Variants in LIMCH1 observed in about 807,000 individuals in gnomAD.
LIMCH1 encodes the protein LIM and calponin homology domains-containing protein 1.
A neutral mutation model predicts 176.5 loss-of-function variants in LIMCH1; 113 were observed. The observed-to-expected ratio is 0.64, with a 90% confidence interval of 0.55 to 0.75. LIMCH1 has a LOEUF of 0.75. Ranked by LOEUF, LIMCH1 falls within the 30% of genes least tolerant of loss-of-function variation. The pLI is 0.00. For missense variants in LIMCH1, 1,674 were observed against 1,814.9 expected (o/e 0.92, Z 1.41); for synonymous variants, 619 against 645.9 (o/e 0.96, Z 0.63).
Position 41,644,493 on chromosome 4 carries a change from C to T in LIMCH1, c.2127-7C>T. ...GTCCCTCTTGTGTTCGCTCTCTCCACACTCAGGAGCACCAGCATGTTTGAC... is the reference window on the plus strand; with the variant it reads ...GTCCCTCTTGTGTTCGCTCTCTCCATACTCAGGAGCACCAGCATGTTTGAC... On this transcript the variant is annotated splice_polypyrimidine_tract_variant and splice_region_variant and intron_variant, in intron 14 of 31. Coordinates refer to ENST00000503057, the MANE Select transcript of LIMCH1 (RefSeq NM_001330672.2). 2 of 1,548,302 alleles carry T rather than the reference C, an allele frequency of 1.3e-6. No individual in the cohort carries two copies. The highest frequency in any genetic ancestry group is 1.8e-4 in the Middle Eastern group (1 of 5,576).
At chr4:41,560,640 C>T (rs796222613) in intron 1 of LIMCH1, among the ~76,000 whole-genome samples, 17 of 152,304 alleles carry the variant, frequency 1.1e-4, no homozygotes, top group African/African-American at 3.4e-4. Context: ...AATCCCAGCA[C>T]TTTGGGAGGC....
At chr4:41,601,863 G>A (rs1368497685) in intron 2 of LIMCH1, among the ~76,000 whole-genome samples, 1 of 152,020 alleles carries the variant, frequency 6.6e-6, no homozygotes, top group Non-Finnish European at 1.5e-5. Context: ...TAGTTAAAGT[G>A]GAACTGCTAT....
intron 1 of LIMCH1, among the ~76,000 whole-genome samples, chr4:41,489,533 T>G (rs1274310352): frequency 6.6e-6 from 1 of 152,222 alleles, no homozygotes; most frequent in Non-Finnish European, 1.5e-5. Flanking sequence ...TGATTTCTTC[T>G]TTGATCAGTG....
intron 1 of LIMCH1, among the ~76,000 whole-genome samples, chr4:41,583,516 A>C (rs1467037578): frequency 1.3e-5 from 2 of 152,242 alleles, no homozygotes; most frequent in Non-Finnish European, 2.9e-5. Flanking sequence ...TGGAAAGAAG[A>C]AGCCAGTATC....
At chr4:41,494,593 ATCC>A (rs762573620) in exon 2 of LIMCH1, 6 of 1,610,894 alleles carry the variant, frequency 3.7e-6, no homozygotes, top group Non-Finnish European at 5.1e-6. Flanking sequence ...AGAAAATGGA[ATCC>A]TCCTCTGCGA....
intron 1 of LIMCH1, among the ~76,000 whole-genome samples, chr4:41,577,375 A>T (rs528821640): frequency 6.6e-6 from 1 of 152,332 alleles, no homozygotes; most frequent in South Asian, 2.1e-4. Context: ...CTTTAAAATT[A>T]TACATCCTAG....
chr4:41,376,586 A>G (rs1247670208), intron 1 of LIMCH1, among the ~76,000 whole-genome samples: 1 of 152,158 alleles, frequency 6.6e-6, no homozygotes, highest in Non-Finnish European at 1.5e-5. Flanking sequence ...AATTGAAAAT[A>G]ATATTAAATA....
intron 1 of LIMCH1, among the ~76,000 whole-genome samples, chr4:41,564,166 G>T (rs759450093): frequency 3.3e-5 from 5 of 152,214 alleles, no homozygotes; most frequent in Non-Finnish European, 7.3e-5. Context: ...AGTGTAAGAA[G>T]TATAGATAAT....
rs958128872 is a variant in LIMCH1 at position 41,571,126 on chromosome 4, A to T, written c.-240-27794A>T. On this transcript the variant is annotated intron_variant, in intron 1 of 31. Coordinates refer to ENST00000503057, the MANE Select transcript of LIMCH1 (RefSeq NM_001330672.2). The stretch of plus-strand genomic sequence containing the variant: ...TATGATCAACTCTTGTGGGCAGGAG[A>T]GCTGAGAAAGAAGAGGAGAGAATGT... Among the ~76,000 whole-genome samples, 7 of 152,078 alleles carry T rather than the reference A, an allele frequency of 4.6e-5. No individual in the cohort carries two copies. In the South Asian group the frequency reaches 1.5e-3, roughly 32 times the overall value.
chr4:41,664,323 T>C (rs543120479), intron 20 of LIMCH1, among the ~76,000 whole-genome samples: 38 of 152,340 alleles, frequency 2.5e-4, no homozygotes, highest in African/African-American at 8.9e-4. Flanking sequence ...ATGTCATGCC[T>C]GGCCCTGTGC....
intron 13 of LIMCH1, 43 bp downstream of exon 13, chr4:41,633,851 T>C (rs1051162289): frequency 2.0e-6 from 3 of 1,522,468 alleles, no homozygotes; most frequent in Non-Finnish European, 1.8e-6. Context: ...GTTTCTCCAG[T>C]CTGAGCTTTC....
At chr4:41,523,090 C>A (rs576163442) in intron 2 of LIMCH1, among the ~76,000 whole-genome samples, 1 of 152,134 alleles carries the variant, frequency 6.6e-6, no homozygotes, top group African/African-American at 2.4e-5. Context: ...AGGGACATTT[C>A]TCAACATATG....
At chr4:41,562,312 C>G (rs1418897853) in intron 1 of LIMCH1, among the ~76,000 whole-genome samples, 2 of 152,066 alleles carry the variant, frequency 1.3e-5, no homozygotes, top group Non-Finnish European at 2.9e-5. Flanking sequence ...TTTCCCCTTT[C>G]TAGTGTGGTG....
Position 41,680,007 on chromosome 4 carries a change from A to G in LIMCH1, c.3521A>G (p.Glu1174Gly). 1 of 1,605,838 alleles carries G rather than the reference A, an allele frequency of 6.2e-7. No individual in the cohort carries two copies. Among genetic ancestry groups the G allele is most frequent in the Admixed American group, 1.7e-5 (1 of 59,196 alleles). Residue 1174 changes from glutamate to glycine, a missense_variant and splice_region_variant, in exon 24 of 32, where the codon GAG becomes GGG. Glu to Gly is a moderately conservative substitution (Grantham distance 98). Around this residue, in one of 3 missense-constraint regions of LIMCH1, gnomAD observed 1,015 missense variants for 1,102.5 expected, o/e 0.92. Transcript: ENST00000503057. ...CAATCTATGGAAATTCCATAACAGG[A>G]GAGATACCAGAAGGAGCAGGACAAG... ...WQQEQERLLQ[E>G]RYQKEQDKLK...
intron 1 of LIMCH1, among the ~76,000 whole-genome samples, chr4:41,547,747 TATATAAAA>T (rs543141032): frequency 0.017 from 2,431 of 144,536 alleles, 53 homozygotes; most frequent in African/African-American, 0.054. Flanking sequence ...ACATAAATAA[TATATAAAA>T]ATATAAAAAT....
chr4:41,373,433 G>A (rs1218600749), intron 1 of LIMCH1, among the ~76,000 whole-genome samples: 1 of 152,242 alleles, frequency 6.6e-6, no homozygotes, highest in Non-Finnish European at 1.5e-5. Context: ...GTGCTTCTTG[G>A]CCCGGCCTGG....
At chr4:41,451,532 T>C (rs2063881383) in intron 1 of LIMCH1, among the ~76,000 whole-genome samples, 1 of 152,182 alleles carries the variant, frequency 6.6e-6, no homozygotes, top group African/African-American at 2.4e-5. Context: ...TGAGAGTCTT[T>C]CCCACCCCCG....
chr4:41,665,749 T>C (rs2094800690), intron 20 of LIMCH1, among the ~76,000 whole-genome samples: 1 of 152,192 alleles, frequency 6.6e-6, no homozygotes, highest in South Asian at 2.1e-4. Flanking sequence ...TAGACATTTT[T>C]GTTTTAATAA....
Position 41,644,579 on chromosome 4 carries a change from C to A in LIMCH1, c.2206C>A (p.Gln736Lys). The stretch of plus-strand genomic sequence containing the variant: ...CAGCAGGGCCCGCCAGGAGCAGCTG[C>A]AGCTGATAAATAACCAGCTGAGGGA... ...PHSRARQEQL[Q>K]LINNQLREED... is the part of the protein sequence containing the mutation. Residue 736 changes from glutamine (Q) to lysine (K), a missense_variant, in exon 15 of 32, where the codon CAG (glutamine) becomes AAG (lysine). Transcript: ENST00000503057. The A allele has an allele frequency of 3.1e-6, 5 of 1,611,196 alleles. No individual in the cohort carries two copies. Among genetic ancestry groups the A allele is most frequent in the Non-Finnish European group, 4.2e-6 (5 of 1,178,908 alleles).
Sources: gnomAD v4.1 joint callset for allele counts (sites outside exome capture counted in the v4.1 genomes callset) on GRCh38, gnomAD v4.1.1 for gene constraint, gnomAD v4.1.1 regional missense constraint, MANE v1.5 for transcripts, NCBI Gene and HGNC (gene_info 2026-07-23, HGNC 2026-07-21) for gene names.